FMR1: variants seen among roughly 807,000 people sequenced by gnomAD.
The protein encoded by FMR1 is FMRP translational regulator 1.
Under a neutral mutation model 50.6 loss-of-function variants are expected in FMR1, and 13 were observed. That is an observed-to-expected ratio of 0.26 (90% CI 0.17 to 0.41). The LOEUF (loss-of-function observed/expected upper bound fraction) is 0.41. Among genes scored for constraint, FMR1 ranks in the 10% least tolerant of loss-of-function variants. The probability of loss-of-function intolerance (pLI) is 1.00; values close to 1 mark genes in which losing one functional copy is unlikely to be tolerated. For synonymous variants in FMR1, 138 were observed against 164.1 expected (o/e 0.84, Z 1.22); for missense variants, 316 against 491.3 (o/e 0.64, Z 3.37).
intron 13 of FMR1, among the ~76,000 whole-genome samples, chrX:147,942,290 C>T (rs2044035509): frequency 8.9e-6 from 1 of 111,970 alleles, no homozygotes; most frequent in South Asian, 3.7e-4. Context: ...TCTGATTCCC[C>T]GTAGCCAGTA....
chrX:147,923,596 A>G (rs1331606468), intron 2 of FMR1, among the ~76,000 whole-genome samples: 1 of 112,025 alleles, frequency 8.9e-6, no homozygotes, highest in Non-Finnish European at 1.9e-5. Flanking sequence ...TTGATTTATT[A>G]GATCACTTCT....
chrX:147,916,557 T>C (rs2042873471), intron 1 of FMR1, among the ~76,000 whole-genome samples: 1 of 111,377 alleles, frequency 9.0e-6, no homozygotes, highest in Non-Finnish European at 1.9e-5. Flanking sequence ...GGTTTTCTTT[T>C]TTGGTTTTCT....
intron 1 of FMR1, among the ~76,000 whole-genome samples, chrX:147,918,316 G>T (rs920125310): frequency 3.6e-5 from 4 of 111,679 alleles, no homozygotes; most frequent in African/African-American, 1.3e-4. Context: ...TAGACCAAAC[G>T]TAACCTATGA....
chrX:147,935,604 T>C (rs1174959600), intron 9 of FMR1, among the ~76,000 whole-genome samples: 2 of 112,238 alleles, frequency 1.8e-5, no homozygotes, highest in Non-Finnish European at 3.8e-5. Context: ...TTAGTAATTC[T>C]TAAGTTTGTA....
In FMR1 at chrX:147,950,081, TC is replaced by T. The variant is rs2044285778; in HGVS notation, c.*1238del. On this transcript the variant is annotated 3_prime_UTR_variant, in exon 17 of 17. Transcript: ENST00000370475. ...TTGGGGTTTGGTTTTGTTTTTTGAG[TC>T]TTTTTTTTTTAAGTGAAATTTATTG... 1 of 321,982 alleles carries T rather than the reference TC, an allele frequency of 3.1e-6. No homozygotes were observed. Among genetic ancestry groups the T allele is most frequent in the African/African-American group, 2.7e-5 (1 of 36,833 alleles). The allele number at this position is 321,982 out of a possible 1,213,427, so 26.5% of individuals were successfully genotyped here. A position where few individuals can be genotyped will look rare whatever the true frequency, so the allele number is the denominator to read the frequency against.
chrX:147,941,092 T>C lies in FMR1; in HGVS notation c.1275+430T>C, dbSNP rs147864235. Among the ~76,000 whole-genome samples, 79 of 112,410 alleles carry C rather than the reference T, an allele frequency of 7.0e-4. 2 individuals carry two copies. The East Asian group carries it at 0.012, about 17-fold the overall frequency. ...TTCTTTGTTTAAATGTTTACCCTAT[T>C]TTTCTCTTTACTGTTATTCAAAATA... On this transcript the variant is annotated intron_variant, in intron 13 of 16. Coordinates refer to ENST00000370475, the MANE Select transcript of FMR1 (RefSeq NM_002024.6).
rs2043348326 is a variant in FMR1 at position 147,925,310 on chromosome X, G to A, written c.105-230G>A. Among the ~76,000 whole-genome samples the A allele has an allele frequency of 1.8e-5, 2 of 111,957 alleles. No homozygotes were observed. The highest frequency in any genetic ancestry group is 9.5e-5 in the Admixed American group (1 of 10,576). On this transcript the variant is annotated intron_variant, in intron 2 of 16. Coordinates refer to ENST00000370475, the MANE Select transcript of FMR1 (RefSeq NM_002024.6). ...TCATAATGTTGCTGTATTGTGTTTA[G>A]AGAAATATTCCAAACGGGAGTAGGC...
At chrX:147,941,838 A>G (rs1603030369) in intron 13 of FMR1, among the ~76,000 whole-genome samples, 1 of 112,414 alleles carries the variant, frequency 8.9e-6, no homozygotes, top group Admixed American at 9.4e-5. Flanking sequence ...TCTCAAGAAT[A>G]TCTTCTTTGG....
chrX:147,936,383 A>G, intron 9 of FMR1, 121 bp from the exon 10 acceptor site: 1 of 493,723 alleles, frequency 2.0e-6, no homozygotes, highest in South Asian at 3.1e-5. Flanking sequence ...CTTACAATTC[A>G]ATACATACAC....
chrX:147,945,929 TGCAATGGC>T lies in FMR1; in HGVS notation c.1737+319_1737+326del, dbSNP rs782318140. On this transcript the variant is annotated intron_variant, in intron 16 of 16. Coordinates refer to ENST00000370475, the MANE Select transcript of FMR1 (RefSeq NM_002024.6). ...TTCGCTTTTGTTGCCCAGGCTGGAG[TGCAATGGC>T]GCAATCTCGGCTCAGAGCAACCTCT... 3.1e-3 allele frequency among the ~76,000 whole-genome samples: 352 copies of T among 111,774 alleles called. 1 individual carries two copies. The highest frequency in any genetic ancestry group is 0.011 in the African/African-American group (325 of 30,731).
chrX:147,915,070 A>C (rs1162193955), intron 1 of FMR1, among the ~76,000 whole-genome samples: 4 of 111,839 alleles, frequency 3.6e-5, no homozygotes, highest in Non-Finnish European at 7.5e-5. Flanking sequence ...CTGAAAATAC[A>C]ACCTCTGATT....
chrX:147,921,239 A>G (rs1156657231), intron 1 of FMR1, among the ~76,000 whole-genome samples: 3 of 93,658 alleles, frequency 3.2e-5, no homozygotes, highest in Non-Finnish European at 6.3e-5. Flanking sequence ...TACAGACAGC[A>G]TGCTGATTAA....
chrX:147,932,657 T>A, intron 8 of FMR1, 28 bp from the exon 9 acceptor site: 1 of 1,198,803 alleles, frequency 8.3e-7, no homozygotes, highest in Non-Finnish European at 1.1e-6. Flanking sequence ...GCTAATCTTT[T>A]GTCTTAAAAT....
intron 1 of FMR1, 88 bp downstream of exon 1, chrX:147,912,318 C>T: frequency 3.3e-6 from 3 of 921,971 alleles, no homozygotes; most frequent in South Asian, 4.5e-5. Flanking sequence ...CCGGGGCCCT[C>T]TTCCCGAGCA....
chrX:147,925,046 A>G, intron 2 of FMR1: 1 of 134,720 alleles, frequency 7.4e-6, no homozygotes, highest in Non-Finnish European at 1.5e-5. Flanking sequence ...TAAAATTTAA[A>G]GGGGGAAAAG....
intron 16 of FMR1, 25 bp downstream of exon 16, chrX:147,945,641 T>A (rs2044146725): frequency 9.4e-7 from 1 of 1,064,717 alleles, no homozygotes; most frequent in Non-Finnish European, 1.3e-6. Flanking sequence ...CCTCTTTTCA[T>A]CTTAATTGTT....
chrX:147,943,495 A>G (rs959019944), intron 14 of FMR1, 169 bp downstream of exon 14: 6 of 471,905 alleles, frequency 1.3e-5, no homozygotes, highest in African/African-American at 2.4e-5. Context: ...CTGATGATAA[A>G]CACGTAGAGT....
At chrX:147,943,506 T>G (rs1557181348) in intron 14 of FMR1, 180 bp downstream of exon 14, 1 of 455,470 alleles carries the variant, frequency 2.2e-6, no homozygotes, top group African/African-American at 2.4e-5. Context: ...CACGTAGAGT[T>G]CACAGGGCCG....
chrX:147,921,824 T>A lies in FMR1; in HGVS notation c.52-109T>A, dbSNP rs567969470. ...TCAAAAACTGACCTTCATTTGAAGTTCTATTTTATTCATAAACACATAAAA... is the reference window on the plus strand; with the variant it reads ...TCAAAAACTGACCTTCATTTGAAGTACTATTTTATTCATAAACACATAAAA... On this transcript the variant is annotated intron_variant, in intron 1 of 16. Transcript: ENST00000370475. 51 of 515,873 alleles carry A rather than the reference T, an allele frequency of 9.9e-5. No individual in the cohort carries two copies. The South Asian group carries it at 1.4e-3, about 14-fold the overall frequency. 42.5% of individuals were successfully genotyped at this position (515,873 alleles called of 1,213,427 possible).
Sources: gnomAD v4.1 joint callset for allele counts (sites outside exome capture counted in the v4.1 genomes callset) on GRCh38, gnomAD v4.1.1 for gene constraint, MANE v1.5 for transcripts, NCBI Gene and HGNC (gene_info 2026-07-23, HGNC 2026-07-21) for gene names.